Variants in DAB1 observed in about 807,000 individuals in gnomAD.
The protein encoded by DAB1 is DAB adaptor protein 1, also known as disabled homolog 1.
A neutral mutation model predicts 64.6 loss-of-function variants in DAB1; 15 were observed. That is an observed-to-expected ratio of 0.23 (90% confidence interval 0.16 to 0.36). The LOEUF (loss-of-function observed/expected upper bound fraction) is 0.36. Among genes scored for constraint, DAB1 ranks in the 10% least tolerant of loss-of-function variants. DAB1 has a pLI of 1.00. For missense variants in DAB1, 596 were observed against 706.7 expected, an observed-to-expected ratio of 0.84 and a Z score of 1.78; for synonymous variants, 235 against 251.9, an observed-to-expected ratio of 0.93 and a Z score of 0.64.
chr1:58,180,276 C>CTTTTTTTTTTTT, intron 4 of DAB1, among the ~76,000 whole-genome samples: 1 of 53,144 alleles, frequency 1.9e-5, no homozygotes, highest in Non-Finnish European at 3.6e-5. Flanking sequence ...TCTTTTTTTT[C>CTTTTTTTTTTTT]TTTTCTTTTT....
chr1:58,519,159 A>T (rs990144493), intron 2 of DAB1, among the ~76,000 whole-genome samples: 2 of 152,234 alleles, frequency 1.3e-5, no homozygotes, highest in Non-Finnish European at 2.9e-5. Flanking sequence ...AGAATTTTTA[A>T]AAGTCTCCAC....
Position 57,010,723 on chromosome 1 carries a change from T to A in DAB1, c.1640A>T (p.Asp547Val). 1 of 1,592,198 alleles carries A rather than the reference T, an allele frequency of 6.3e-7. No individual in the cohort carries two copies. The highest frequency in any genetic ancestry group is 1.3e-5 in the African/African-American group (1 of 74,330). ...FGEPSGEPSGDNISPQAGS is the reference protein window; with the variant it reads ...FGEPSGEPSGVNISPQAGS ...GCTACCGGCCTGTGGACTTATATTA[T>A]CACCACTGGGCTCCCCACTGGGCTC... Residue 547 changes from aspartate to valine, a missense_variant, in exon 14 of 15, where the codon GAT (aspartate) becomes GTT (valine). Physicochemically the swap from Asp to Val is radical, Grantham distance 152 (BLOSUM62 -3). This residue lies in a region of DAB1 where 377 missense variants were observed against 400.4 expected (regional missense o/e 0.94). Transcript: ENST00000371236.
At chr1:58,219,567 C>A (rs1355761724) in intron 4 of DAB1, among the ~76,000 whole-genome samples, 1 of 152,180 alleles carries the variant, frequency 6.6e-6, no homozygotes, top group African/African-American at 2.4e-5. Flanking sequence ...CACTTTCCAG[C>A]CTCAGGATCT....
intron 7 of DAB1, among the ~76,000 whole-genome samples, chr1:57,608,107 C>A (rs1228337378): frequency 6.6e-6 from 1 of 152,158 alleles, no homozygotes; most frequent in African/African-American, 2.4e-5. Flanking sequence ...CTAGGCTACA[C>A]CTCCCACCCC....
At chr1:57,565,857 G>A (rs1645113821) in intron 7 of DAB1, among the ~76,000 whole-genome samples, 2 of 152,102 alleles carry the variant, frequency 1.3e-5, no homozygotes, top group African/African-American at 4.8e-5. Flanking sequence ...GTCAACATTA[G>A]ACAGATCAAT....
chr1:57,404,637 T>A (rs571179625), intron 1 of DAB1, among the ~76,000 whole-genome samples: 1 of 152,316 alleles, frequency 6.6e-6, no homozygotes, highest in Non-Finnish European at 1.5e-5. Context: ...GAAGAAGGAA[T>A]TTCTTGAGAA....
intron 4 of DAB1, among the ~76,000 whole-genome samples, chr1:57,095,985 A>G (rs1193665212): frequency 1.3e-5 from 2 of 152,230 alleles, no homozygotes; most frequent in African/African-American, 4.8e-5. Flanking sequence ...AATAATAGTA[A>G]TCATAGCAGT....
intron 3 of DAB1, among the ~76,000 whole-genome samples, chr1:58,445,810 A>C (rs949194431): frequency 6.6e-6 from 1 of 152,184 alleles, no homozygotes; most frequent in Non-Finnish European, 1.5e-5. Context: ...ATTCCCAAAA[A>C]ACATAAGAGA....
At chr1:57,388,869 C>A (rs1682107608) in intron 1 of DAB1, among the ~76,000 whole-genome samples, 1 of 152,228 alleles carries the variant, frequency 6.6e-6, no homozygotes, top group African/African-American at 2.4e-5. Flanking sequence ...CCTCCTCTTG[C>A]TCACTCTGAA....
chr1:58,086,426 T>G (rs774634881), intron 5 of DAB1, among the ~76,000 whole-genome samples: 3 of 152,134 alleles, frequency 2.0e-5, no homozygotes, highest in Non-Finnish European at 4.4e-5. Context: ...TAAAGCACCC[T>G]ACTGAGATTT....
intron 7 of DAB1, among the ~76,000 whole-genome samples, chr1:57,531,271 G>A (rs1434734156): frequency 6.6e-6 from 1 of 151,958 alleles, no homozygotes; most frequent in African/African-American, 2.4e-5. Context: ...CTCCCTCACT[G>A]AACACCTTGT....
At chr1:58,179,096 G>T (rs1192267889) in intron 4 of DAB1, among the ~76,000 whole-genome samples, 1 of 151,632 alleles carries the variant, frequency 6.6e-6, no homozygotes, top group African/African-American at 2.4e-5. Context: ...TGATTATAAG[G>T]TTTTTGTCCT....
intron 4 of DAB1, among the ~76,000 whole-genome samples, chr1:58,197,280 T>C (rs1657728839): frequency 6.6e-6 from 1 of 152,170 alleles, no homozygotes; most frequent in Non-Finnish European, 1.5e-5. Context: ...TTAAATAGAA[T>C]AGAAGATGGA....
chr1:57,004,520 A>C (rs1381872391), intron 14 of DAB1, among the ~76,000 whole-genome samples: 1 of 152,174 alleles, frequency 6.6e-6, no homozygotes, highest in African/African-American at 2.4e-5. Flanking sequence ...CCGGGGGCCT[A>C]GGGTAAGAAA....
At chr1:57,022,009 A>G (rs1242339042) in intron 11 of DAB1, among the ~76,000 whole-genome samples, 1 of 152,036 alleles carries the variant, frequency 6.6e-6, no homozygotes, top group Admixed American at 6.5e-5. Context: ...ATCACTTCTC[A>G]TTTTTAAATA....
chr1:58,114,514 G>C (rs1374474274), intron 5 of DAB1, among the ~76,000 whole-genome samples: 1 of 152,208 alleles, frequency 6.6e-6, no homozygotes, highest in Non-Finnish European at 1.5e-5. Context: ...ATGTACAACA[G>C]GGGTCATCAA....
chr1:57,006,493 C>A (rs1192498412), intron 14 of DAB1, among the ~76,000 whole-genome samples: 1 of 152,202 alleles, frequency 6.6e-6, no homozygotes, highest in East Asian at 1.9e-4. Context: ...TTGATTTCAG[C>A]TTTTAAACAT....
At chr1:58,160,407 G>A (rs1330368683) in intron 4 of DAB1, among the ~76,000 whole-genome samples, 2 of 152,186 alleles carry the variant, frequency 1.3e-5, no homozygotes, top group African/African-American at 4.8e-5. Context: ...TAGAGGAGCT[G>A]AGGATAGAGT....
At chr1:56,999,503 G>T (rs1204358581) in intron 14 of DAB1, among the ~76,000 whole-genome samples, 1 of 152,180 alleles carries the variant, frequency 6.6e-6, no homozygotes, top group Admixed American at 6.5e-5. Flanking sequence ...ATAGTCCTGA[G>T]GGTGGCTTTT....
Sources: allele counts gnomAD v4.1 joint callset (sites outside exome capture counted in the v4.1 genomes callset), GRCh38; gene constraint gnomAD v4.1.1; regional missense constraint gnomAD v4.1.1; transcripts MANE v1.5; gene names NCBI Gene and HGNC (gene_info 2026-07-23, HGNC 2026-07-21).